Variants in CA10 observed in about 807,000 individuals in gnomAD.
CA10 encodes carbonic anhydrase-related protein 10.
A neutral mutation model predicts 44.2 loss-of-function variants in CA10; 14 were observed. The ratio of observed to expected loss-of-function variants is 0.32; its 90% CI spans 0.21 to 0.50. The LOEUF is 0.50. Ranked by LOEUF, CA10 falls within the 20% of genes least tolerant of loss-of-function variation. The probability of loss-of-function intolerance (pLI) is 0.99; values close to 1 mark genes in which losing one functional copy is unlikely to be tolerated. For missense variants in CA10, 350 were observed against 409.7 expected (o/e 0.85, Z 1.26); for synonymous variants, 159 against 141.6 (o/e 1.12, Z -0.87).
intron 4 of CA10, among the ~76,000 whole-genome samples, chr17:51,711,157 A>G (rs1010216315): frequency 2.0e-5 from 3 of 152,136 alleles, no homozygotes; most frequent in African/African-American, 7.2e-5. Context: ...CTCAACATCA[A>G]CCTCACCAAA....
chr17:52,154,439 G>C (rs1259163743), intron 1 of CA10, among the ~76,000 whole-genome samples: 1 of 152,194 alleles, frequency 6.6e-6, no homozygotes, highest in African/African-American at 2.4e-5. Context: ...AAGAAGTAAA[G>C]TTACATAAGG....
At chr17:51,852,091 C>A (rs1109157) in intron 3 of CA10, among the ~76,000 whole-genome samples, 5 of 152,024 alleles carry the variant, frequency 3.3e-5, no homozygotes, top group Non-Finnish European at 7.4e-5. Context: ...AAGGCAACAC[C>A]TTCCACCCAG....
intron 2 of CA10, among the ~76,000 whole-genome samples, chr17:51,946,867 G>A (rs1330611350): frequency 6.6e-6 from 1 of 152,148 alleles, no homozygotes; most frequent in African/African-American, 2.4e-5. Context: ...TGAATGAGGA[G>A]TGAATTTTTA....
chr17:51,814,899 T>A (rs888565592), intron 3 of CA10, among the ~76,000 whole-genome samples: 1 of 152,206 alleles, frequency 6.6e-6, no homozygotes, highest in Admixed American at 6.5e-5. Context: ...TTCACATCAC[T>A]GTGTAGCTGG....
intron 3 of CA10, among the ~76,000 whole-genome samples, chr17:51,848,785 G>C (rs1978612193): frequency 6.6e-6 from 1 of 152,148 alleles, no homozygotes. Flanking sequence ...GGTGGCTCAT[G>C]CCTGCAATCC....
chr17:51,734,294 CAAG>C (rs1210700793), intron 4 of CA10, among the ~76,000 whole-genome samples: 1 of 151,928 alleles, frequency 6.6e-6, no homozygotes, highest in Non-Finnish European at 1.5e-5. Flanking sequence ...CAAACTTGTG[CAAG>C]AAGATTTTAC....
At chr17:51,874,659 C>CT (rs1979972455) in intron 3 of CA10, among the ~76,000 whole-genome samples, 1 of 152,134 alleles carries the variant, frequency 6.6e-6, no homozygotes, top group African/African-American at 2.4e-5. Flanking sequence ...ATACTCAGCT[C>CT]TTCCTTGTTT....
At position 51,662,776 on chromosome 17, in the gene CA10, C is replaced by T. The variant is rs193167016; in HGVS notation, c.466-9040G>A. Among the ~76,000 whole-genome samples the T allele has an allele frequency of 3.3e-5, 5 of 152,236 alleles. No individual in the cohort carries two copies. In the East Asian group the frequency reaches 9.7e-4, roughly 29 times the overall value. On this transcript the variant is annotated intron_variant, in intron 4 of 8. Transcript: ENST00000451037. ...TATGGCTAAAAATAAAAATAATTTT[C>T]CATAGTTTCATTGACAGAAGATCCC...
At chr17:51,867,134 G>A (rs1979584404) in intron 3 of CA10, among the ~76,000 whole-genome samples, 1 of 152,088 alleles carries the variant, frequency 6.6e-6, no homozygotes, top group Non-Finnish European at 1.5e-5. Context: ...TAAGAAATGA[G>A]GCCACATGTC....
chr17:51,839,957 G>A (rs569711341), intron 3 of CA10, among the ~76,000 whole-genome samples: 94 of 152,070 alleles, frequency 6.2e-4, no homozygotes, highest in Admixed American at 1.1e-3. Flanking sequence ...TTACACTTAC[G>A]CTAGAAAGTA....
At chr17:52,093,868 A>G (rs887595316) in intron 1 of CA10, among the ~76,000 whole-genome samples, 9 of 152,154 alleles carry the variant, frequency 5.9e-5, no homozygotes, top group Non-Finnish European at 8.8e-5. Flanking sequence ...TTATTTATAC[A>G]TAAAGACACT....
chr17:52,057,534 G>A (rs958276646), intron 2 of CA10, among the ~76,000 whole-genome samples: 3 of 151,906 alleles, frequency 2.0e-5, no homozygotes, highest in South Asian at 2.1e-4. Flanking sequence ...TAAGGCTTCC[G>A]GTCAACCATA....
intron 3 of CA10, among the ~76,000 whole-genome samples, chr17:51,867,506 C>T (rs150907196): frequency 2.7e-4 from 41 of 152,214 alleles, no homozygotes; most frequent in African/African-American, 5.3e-4. Flanking sequence ...TATAATGAGA[C>T]GAGATGCTCA....
chr17:52,085,550 T>C (rs957963495), intron 1 of CA10, among the ~76,000 whole-genome samples: 1 of 152,216 alleles, frequency 6.6e-6, no homozygotes, highest in African/African-American at 2.4e-5. Flanking sequence ...GTGCAAGTGT[T>C]CCAATGAAAC....
chr17:51,700,916 G>C (rs1385342144), intron 4 of CA10, among the ~76,000 whole-genome samples: 3 of 151,978 alleles, frequency 2.0e-5, no homozygotes, highest in Non-Finnish European at 1.5e-5. Flanking sequence ...GGGGCCTATG[G>C]GGGTAGGAGT....
At chr17:51,690,526 A>T (rs998090678) in intron 4 of CA10, among the ~76,000 whole-genome samples, 4 of 152,092 alleles carry the variant, frequency 2.6e-5, no homozygotes, top group African/African-American at 9.7e-5. Flanking sequence ...GTCATGGGAG[A>T]GGCCTGGTGG....
At chr17:51,728,253 T>C (rs1329431093) in intron 4 of CA10, among the ~76,000 whole-genome samples, 1 of 152,196 alleles carries the variant, frequency 6.6e-6, no homozygotes, top group African/African-American at 2.4e-5. Flanking sequence ...TACAGGAAGT[T>C]TGCATATAAC....
intron 3 of CA10, among the ~76,000 whole-genome samples, chr17:51,912,455 T>A (rs73987310): frequency 0.023 from 3,526 of 152,194 alleles, 138 homozygotes; most frequent in African/African-American, 0.08. Context: ...CTGTGCTCCA[T>A]ATGGTGCAGT....
intron 4 of CA10, among the ~76,000 whole-genome samples, chr17:51,744,006 A>G (rs539257202): frequency 2.0e-5 from 3 of 152,236 alleles, no homozygotes; most frequent in Non-Finnish European, 4.4e-5. Flanking sequence ...TCAGTAGAAT[A>G]CAATTGAAGG....
Sources: allele counts gnomAD v4.1 joint callset (sites outside exome capture counted in the v4.1 genomes callset), GRCh38; gene constraint gnomAD v4.1.1; transcripts MANE v1.5; gene names NCBI Gene and HGNC (gene_info 2026-07-23, HGNC 2026-07-21).